The following XPO7 variants were observed in gnomAD, a reference collection of about 807,000 sequenced individuals.
XPO7 encodes exportin-7.
XPO7 carries 21 observed loss-of-function variants against 144.3 expected under a neutral mutation model. The ratio of observed to expected loss-of-function variants is 0.15; its 90% CI spans 0.10 to 0.21. XPO7 has a LOEUF of 0.21. XPO7 is among the 10% of genes least tolerant of loss of function. The pLI is 1.00. For synonymous variants in XPO7, 580 were observed against 499.6 expected (o/e 1.16, Z -2.15); for missense variants, 808 against 1,325.8 (o/e 0.61, Z 6.06).
At chr8:21,994,300 T>G (rs902162255) in intron 19 of XPO7, 63 bp from the exon 20 acceptor site, 98 of 1,254,050 alleles carry the variant, frequency 7.8e-5, no homozygotes, top group Non-Finnish European at 1.1e-4. Context: ...TGTGGAATCC[T>G]CATCAGATTG....
chr8:21,932,282 T>G (rs999407475), intron 1 of XPO7, among the ~76,000 whole-genome samples: 1 of 152,188 alleles, frequency 6.6e-6, no homozygotes, highest in Non-Finnish European at 1.5e-5. Context: ...CAAATTGATA[T>G]TTTACAAAAC....
chr8:21,960,603 A>AT (rs1811693867), intron 1 of XPO7, among the ~76,000 whole-genome samples: 1 of 152,236 alleles, frequency 6.6e-6, no homozygotes, highest in Admixed American at 6.5e-5. Context: ...GCAGTCTCAT[A>AT]TGGTAGTGGA....
intron 1 of XPO7, among the ~76,000 whole-genome samples, chr8:21,935,609 G>C (rs565948009): frequency 6.6e-6 from 1 of 152,126 alleles, no homozygotes; most frequent in South Asian, 2.1e-4. Flanking sequence ...ACTTTAAGAC[G>C]AATTTGTTTT....
intron 1 of XPO7, among the ~76,000 whole-genome samples, chr8:21,932,620 G>A (rs1810688621): frequency 1.3e-5 from 2 of 151,656 alleles, no homozygotes; most frequent in African/African-American, 4.8e-5. Context: ...GGGCCAAAAA[G>A]CTTTCTTTTG....
intron 4 of XPO7, 58 bp downstream of exon 4, chr8:21,970,368 A>AC: frequency 6.9e-7 from 1 of 1,458,990 alleles, no homozygotes; most frequent in Admixed American, 2.1e-5. Flanking sequence ...ACATATATAT[A>AC]AACACACACA....
chr8:21,987,155 T>A lies in XPO7; in HGVS notation c.1592T>A (p.Met531Lys), dbSNP rs2117372446. 1 of 1,613,980 alleles carries A rather than the reference T, an allele frequency of 6.2e-7. No homozygotes were observed. Among genetic ancestry groups the A allele is most frequent in the South Asian group, 1.1e-5 (1 of 91,084 alleles). The change falls in exon 14 of 28, where the codon ATG becomes AAG. Residue 531 changes from methionine (M) to lysine (K), a missense_variant. By Grantham distance (95) the Met-to-Lys change is moderately conservative. Coordinates refer to ENST00000252512, the MANE Select transcript of XPO7 (RefSeq NM_015024.5). ...TCTTCCTCCAGGGTGCTCCAGCTGA[T>A]GAACCTAACAGATTCTCGTTTGGCC... ...GELVCRVLQL[M>K]NLTDSRLAQA...
At chr8:21,955,873 T>A (rs1811520338) in intron 1 of XPO7, among the ~76,000 whole-genome samples, 1 of 151,666 alleles carries the variant, frequency 6.6e-6, no homozygotes, top group South Asian at 2.1e-4. Context: ...GGACTACAGG[T>A]GCCCACCACC....
chr8:21,939,431 A>G (rs981011975), intron 1 of XPO7, among the ~76,000 whole-genome samples: 1 of 152,016 alleles, frequency 6.6e-6, no homozygotes, highest in Non-Finnish European at 1.5e-5. Flanking sequence ...ATGTTGGTCA[A>G]GTTGGTCTCA....
intron 1 of XPO7, among the ~76,000 whole-genome samples, chr8:21,944,208 G>A (rs904010924): frequency 2.4e-4 from 36 of 152,204 alleles, no homozygotes; most frequent in African/African-American, 8.2e-4. Flanking sequence ...AGTAACTTAG[G>A]TAAGGACATT....
At chr8:21,971,813 A>C (rs1812069885) in intron 4 of XPO7, 63 bp from the exon 5 acceptor site, 4 of 1,426,764 alleles carry the variant, frequency 2.8e-6, no homozygotes, top group South Asian at 2.4e-5. Context: ...GTATGAGTGC[A>C]TTCCAAATGC....
intron 13 of XPO7, among the ~76,000 whole-genome samples, chr8:21,986,795 A>G (rs1329366209): frequency 6.6e-6 from 1 of 152,218 alleles, no homozygotes; most frequent in African/African-American, 2.4e-5. Context: ...TCAAATATCA[A>G]ATGACTCACT....
chr8:21,970,205 A>G lies in XPO7; in HGVS notation c.321A>G (p.Ala107=), dbSNP rs1279735663. 3 of 1,613,646 alleles carry G rather than the reference A, an allele frequency of 1.9e-6. No homozygotes were observed. The East Asian group carries it at 6.7e-5, about 36-fold the overall frequency. ...RPKLATFVTQ[A]LIQLYARITK... ...AGTTGGCTACTTTCGTGACACAAGC[A>G]CTTATTCAGTTATATGCCAGAATCA... is the stretch of plus-strand genomic sequence containing the variant. The change falls in exon 4 of 28, where the codon GCA becomes GCG. Residue 107 remains alanine, a synonymous_variant. Transcript: ENST00000252512.
chr8:21,936,654 A>G (rs1810831108), intron 1 of XPO7, among the ~76,000 whole-genome samples: 1 of 152,162 alleles, frequency 6.6e-6, no homozygotes, highest in South Asian at 2.1e-4. Context: ...TTTCTCTTAG[A>G]CATTTTTGGT....
chr8:21,930,194 A>G (rs770607391), intron 1 of XPO7, among the ~76,000 whole-genome samples: 1 of 152,206 alleles, frequency 6.6e-6, no homozygotes, highest in Non-Finnish European at 1.5e-5. Context: ...ATGTTCACCT[A>G]TTTAACAGAA....
At chr8:21,993,811 T>C (rs1182998672) in intron 19 of XPO7, among the ~76,000 whole-genome samples, 2 of 152,166 alleles carry the variant, frequency 1.3e-5, no homozygotes, top group Non-Finnish European at 2.9e-5. Flanking sequence ...GGCCTGCATC[T>C]GACTTCCTTT....
chr8:21,937,004 C>T (rs1464372091), intron 1 of XPO7, among the ~76,000 whole-genome samples: 1 of 152,156 alleles, frequency 6.6e-6, no homozygotes, highest in East Asian at 1.9e-4. Flanking sequence ...CTCACTCTGC[C>T]ATCAACCTTT....
chr8:21,935,819 G>A (rs1328897586), intron 1 of XPO7, among the ~76,000 whole-genome samples: 1 of 97,716 alleles, frequency 1.0e-5, no homozygotes, highest in Non-Finnish European at 2.2e-5. Flanking sequence ...GTGAGGGGTG[G>A]TATGGGCAAG....
At chr8:22,004,649 C>G (rs1034098762) in intron 27 of XPO7, among the ~76,000 whole-genome samples, 1 of 151,988 alleles carries the variant, frequency 6.6e-6, no homozygotes, top group Non-Finnish European at 1.5e-5. Flanking sequence ...GGTTAGCAGC[C>G]GCCCTATTGG....
intron 1 of XPO7, among the ~76,000 whole-genome samples, chr8:21,940,488 G>A (rs1308461094): frequency 8.1e-6 from 1 of 123,240 alleles, no homozygotes; most frequent in African/African-American, 3.1e-5. Flanking sequence ...TTTTTTTTTT[G>A]AGCCGGAGTC....
Sources: allele counts gnomAD v4.1 joint callset (sites outside exome capture counted in the v4.1 genomes callset), GRCh38; gene constraint gnomAD v4.1.1; transcripts MANE v1.5; gene names NCBI Gene and HGNC (gene_info 2026-07-23, HGNC 2026-07-21).